YWHAZ: variants seen among roughly 807,000 people sequenced by gnomAD.
YWHAZ encodes tyrosine 3-monooxygenase/tryptophan 5-monooxygenase activation protein zeta.
For missense variants in YWHAZ, 79 were observed against 284.8 expected (o/e 0.28, Z 5.20); for synonymous variants, 87 against 103.6 (o/e 0.84, Z 0.97).
chr8:100,928,824 A>T (rs769240767), intron 2 of YWHAZ, among the ~76,000 whole-genome samples: 1 of 152,210 alleles, frequency 6.6e-6, no homozygotes, highest in African/African-American at 2.4e-5. Context: ...CAGGAATCAA[A>T]GTTATGGCGA....
intron 2 of YWHAZ, among the ~76,000 whole-genome samples, chr8:100,935,572 T>C (rs923943249): frequency 3.9e-5 from 6 of 152,130 alleles, no homozygotes; most frequent in African/African-American, 1.4e-4. Context: ...ACTAAACACA[T>C]ATATTCAGAA....
chr8:100,940,533 G>C (rs986240588), intron 2 of YWHAZ, among the ~76,000 whole-genome samples: 1 of 152,118 alleles, frequency 6.6e-6, no homozygotes, highest in Non-Finnish European at 1.5e-5. Flanking sequence ...TAATAGCCCA[G>C]GGCTTATAAA....
rs1407579257 is a variant in YWHAZ at position 100,917,879 on chromosome 8, A to C, written c.*2814T>G. 6.6e-6 allele frequency: 1 copy of C among 152,102 alleles called. No homozygotes were observed. The highest frequency in any genetic ancestry group is 6.5e-5 in the Admixed American group (1 of 15,276). The allele number at this position is 152,102 out of a possible 1,614,324, so 9.4% of individuals were successfully genotyped here. ...AAACACATTATTCAAATTCCAAAACAAAGAATCTCAGGTTGGAAATTTTCC... is the reference window on the plus strand; with the variant it reads ...AAACACATTATTCAAATTCCAAAACCAAGAATCTCAGGTTGGAAATTTTCC... On this transcript the variant is annotated 3_prime_UTR_variant, in exon 6 of 6. Transcript: ENST00000395958.
chr8:100,939,165 A>C (rs773332721), intron 2 of YWHAZ, among the ~76,000 whole-genome samples: 2 of 152,192 alleles, frequency 1.3e-5, no homozygotes, highest in African/African-American at 4.8e-5. Flanking sequence ...TATTTACCCC[A>C]AAACAAAAGA....
chr8:100,945,083 T>C (rs17366009), intron 2 of YWHAZ, among the ~76,000 whole-genome samples: 6,830 of 152,294 alleles, frequency 0.045, 165 homozygotes, highest in Non-Finnish European at 0.057. Flanking sequence ...CCAAGAGAGC[T>C]TTTGTCTAAG....
chr8:100,933,944 G>A (rs927648462), intron 2 of YWHAZ, among the ~76,000 whole-genome samples: 2 of 151,780 alleles, frequency 1.3e-5, no homozygotes, highest in African/African-American at 2.4e-5. Flanking sequence ...ATCACTTGAG[G>A]TCAGGAGTTC....
chr8:100,926,550 T>G (rs950352122), intron 2 of YWHAZ, among the ~76,000 whole-genome samples: 3 of 152,098 alleles, frequency 2.0e-5, no homozygotes, highest in African/African-American at 4.8e-5. Flanking sequence ...GCCCGAGAGA[T>G]AGAGGCTGCA....
In YWHAZ at chr8:100,918,345, A is replaced by C. The variant is rs1360180643; in HGVS notation, c.*2348T>G. 10 of 56,466 alleles carry C rather than the reference A, an allele frequency of 1.8e-4. No individual in the cohort carries two copies. In the East Asian group the frequency reaches 5.7e-3, roughly 32 times the overall value. The allele number at this position is 56,466 out of a possible 1,614,324, so 3.5% of individuals were successfully genotyped here. ...GTGACAGAGCAAGACTCTTGTCTCC[A>C]AAAAAAAAAAAAACAACAAAAAAAT... On this transcript the variant is annotated 3_prime_UTR_variant, in exon 6 of 6. Coordinates refer to ENST00000395958, the MANE Select transcript of YWHAZ (RefSeq NM_145690.3).
rs1021747200 is a variant in YWHAZ, at chr8:100,917,956, T to C, written c.*2737A>G. ...AAAACATTAGTTAATACTAGTGAAGTGTTTTCATTATTCCAGGATCAACCT... is the reference window on the plus strand; with the variant it reads ...AAAACATTAGTTAATACTAGTGAAGCGTTTTCATTATTCCAGGATCAACCT... On this transcript the variant is annotated 3_prime_UTR_variant, in exon 6 of 6. Transcript: ENST00000395958. 3 of 152,196 alleles carry C rather than the reference T, an allele frequency of 2.0e-5. No individual in the cohort carries two copies. Among genetic ancestry groups the C allele is most frequent in the African/African-American group, 7.2e-5 (3 of 41,454 alleles). 9.4% of individuals were successfully genotyped at this position (152,196 alleles called of 1,614,324 possible).
chr8:100,920,549 C>T lies in YWHAZ; in HGVS notation c.*144G>A. The T allele has an allele frequency of 2.5e-6, 2 of 793,064 alleles. No homozygotes were observed. The highest frequency in any genetic ancestry group is 2.6e-5 in the Admixed American group (1 of 39,066). 49.1% of individuals were successfully genotyped at this position (793,064 alleles called of 1,614,324 possible). A position where few individuals can be genotyped will look rare whatever the true frequency, so the allele number is the denominator to read the frequency against. ...CTCCCCTAATATTAAACATAAAAAC[C>T]ACATGGGAAATATAGAAATTCAAAT... On this transcript the variant is annotated 3_prime_UTR_variant, in exon 6 of 6. Transcript: ENST00000395958.
Position 100,918,443 on chromosome 8 carries a change from T to TAAA in YWHAZ, c.*2249_*2250insTTT, listed in dbSNP as rs1554611443. On this transcript the variant is annotated 3_prime_UTR_variant, in exon 6 of 6. Coordinates refer to ENST00000395958, the MANE Select transcript of YWHAZ (RefSeq NM_145690.3). ...ATATATATATATATATATATATATA[T>TAAA]AATTATTTTACCTCCTTGGCTTGGG... 2 of 117,072 alleles carry TAAA rather than the reference T, an allele frequency of 1.7e-5. No individual in the cohort carries two copies. Among genetic ancestry groups the TAAA allele is most frequent in the African/African-American group, 6.8e-5 (2 of 29,618 alleles). 7.3% of individuals were successfully genotyped at this position (117,072 alleles called of 1,614,324 possible). A position where few individuals can be genotyped will look rare whatever the true frequency, so the allele number is the denominator to read the frequency against.
At chr8:100,946,443 C>T (rs1312604255) in intron 2 of YWHAZ, among the ~76,000 whole-genome samples, 2 of 152,044 alleles carry the variant, frequency 1.3e-5, no homozygotes, top group African/African-American at 2.4e-5. Context: ...CCCAGCTACT[C>T]GGGAGGTCAA....
At chr8:100,921,591 CT>C (rs1813031456) in intron 5 of YWHAZ, among the ~76,000 whole-genome samples, 1 of 152,208 alleles carries the variant, frequency 6.6e-6, no homozygotes, top group South Asian at 2.1e-4. Flanking sequence ...ACACTTTAAG[CT>C]TAGAAAAACA....
At position 100,948,978 on chromosome 8, in the gene YWHAZ, G is replaced by A. The variant is rs2130364903; in HGVS notation, c.-11-78C>T. On this transcript the variant is annotated intron_variant, in intron 1 of 5. Transcript: ENST00000395958. This position sits in a 1 kb window ranked among gnomAD's most constrained non-coding sequence, Gnocchi z 4.2. ...ACTCAAAATTATACCTGTGGTAAATGAGTTTTTTAAACCTGAAACCTAACT... is the reference window on the plus strand; with the variant it reads ...ACTCAAAATTATACCTGTGGTAAATAAGTTTTTTAAACCTGAAACCTAACT... 6.8e-7 allele frequency: 1 copy of A among 1,475,642 alleles called. No individual in the cohort carries two copies. Among genetic ancestry groups the A allele is most frequent in the East Asian group, 2.3e-5 (1 of 43,954 alleles). The allele number at this position is 1,475,642 out of a possible 1,614,324, so 91.4% of individuals were successfully genotyped here.
At position 100,921,991 on chromosome 8, in the gene YWHAZ, A is replaced by T. The variant is rs4422749; in HGVS notation, c.679-1239T>A. 2.9e-3 allele frequency among the ~76,000 whole-genome samples: 446 copies of T among 152,346 alleles called. 6 individuals are homozygous for T. The highest frequency in any genetic ancestry group is 0.025 in the Admixed American group (375 of 15,300). On this transcript the variant is annotated intron_variant, in intron 5 of 5. Coordinates refer to ENST00000395958, the MANE Select transcript of YWHAZ (RefSeq NM_145690.3). ...CATTAGCTTCATTTATCTACTAAGC[A>T]AATATATCTCTGGCCTGGAAAGGAG...
intron 1 of YWHAZ, chr8:100,951,312 G>A (rs913165471): frequency 1.9e-4 from 185 of 984,454 alleles, no homozygotes; most frequent in Non-Finnish European, 2.1e-4. Flanking sequence ...GGGTCCCCGA[G>A]GCCCCCGGCC....
chr8:100,950,703 A>G (rs1276563336), intron 1 of YWHAZ: 1 of 645,054 alleles, frequency 1.6e-6, no homozygotes, highest in Non-Finnish European at 1.9e-6. Flanking sequence ...ACCCCGGGGC[A>G]GAGACGCCAC....
intron 2 of YWHAZ, among the ~76,000 whole-genome samples, chr8:100,941,776 C>T (rs1809879205): frequency 6.8e-6 from 1 of 146,644 alleles, no homozygotes; most frequent in South Asian, 2.2e-4. Context: ...CAAGGTGAGA[C>T]TGCTATCTCA....
At chr8:100,921,328 C>T (rs1379921587) in intron 5 of YWHAZ, among the ~76,000 whole-genome samples, 1 of 152,014 alleles carries the variant, frequency 6.6e-6, no homozygotes, top group Non-Finnish European at 1.5e-5. Context: ...TGTGCCCAGG[C>T]CCTAAATTAT....
Sources: allele counts gnomAD v4.1 joint callset (sites outside exome capture counted in the v4.1 genomes callset), GRCh38; gene constraint gnomAD v4.1.1; non-coding constraint Gnocchi (gnomAD v3.1); transcripts MANE v1.5; gene names NCBI Gene and HGNC (gene_info 2026-07-23, HGNC 2026-07-21).